FAM120A: variants seen among roughly 807,000 people sequenced by gnomAD.
FAM120A encodes the protein constitutive coactivator of PPAR-gamma-like protein 1.
Under a neutral mutation model 109.7 loss-of-function variants are expected in FAM120A, and 15 were observed. The ratio of observed to expected loss-of-function variants is 0.14; its 90% CI spans 0.09 to 0.21. The LOEUF is 0.21. FAM120A is among the 10% of genes least tolerant of loss of function. The pLI, the probability that FAM120A is intolerant of heterozygous loss-of-function variation, is 1.00. For missense variants in FAM120A, 899 were observed against 1,439.3 expected, an observed-to-expected ratio of 0.62 and a Z score of 6.07; for synonymous variants, 493 against 572.8, an observed-to-expected ratio of 0.86 and a Z score of 1.99.
At chr9:93,482,091 G>A (rs1474561331) in intron 3 of FAM120A, among the ~76,000 whole-genome samples, 2 of 151,488 alleles carry the variant, frequency 1.3e-5, no homozygotes, top group African/African-American at 4.9e-5. Flanking sequence ...ACTTATTTTG[G>A]TAATCTTTTA....
At chr9:93,463,112 C>G (rs1857867254) in intron 1 of FAM120A, among the ~76,000 whole-genome samples, 1 of 152,182 alleles carries the variant, frequency 6.6e-6, no homozygotes, top group Non-Finnish European at 1.5e-5. Flanking sequence ...AGAGGCCACG[C>G]TGTTTTACAT....
chr9:93,532,535 C>CAAT lies in FAM120A; in HGVS notation c.1909+210_1909+212dup, dbSNP rs1466147792. 6 of 580,586 alleles carry CAAT rather than the reference C, an allele frequency of 1.0e-5. No individual in the cohort carries two copies. The African/African-American group carries it at 1.1e-4, about 11-fold the overall frequency. The allele number at this position is 580,586 out of a possible 1,614,324, so 36.0% of individuals were successfully genotyped here. On this transcript the variant is annotated intron_variant, in intron 10 of 17. Coordinates refer to ENST00000277165, the MANE Select transcript of FAM120A (RefSeq NM_014612.5). This position sits in a 1 kb window ranked among gnomAD's most constrained non-coding sequence, Gnocchi z 4.3. ...CAGACTTTCTTCCTCAGTAACATTC[C>CAAT]AATAATGATGTTTATTCAGTAAAAT... is the stretch of plus-strand genomic sequence containing the variant.
chr9:93,452,846 C>T lies in FAM120A; in HGVS notation c.474+457C>T, dbSNP rs1263992779. The T allele has an allele frequency of 1.3e-5, 20 of 1,510,814 alleles. No individual in the cohort carries two copies. The highest frequency in any genetic ancestry group is 1.8e-5 in the Non-Finnish European group (20 of 1,138,230). The allele number at this position is 1,510,814 out of a possible 1,614,324, so 93.6% of individuals were successfully genotyped here. On this transcript the variant is annotated intron_variant, in intron 1 of 17. Coordinates refer to ENST00000277165, the MANE Select transcript of FAM120A (RefSeq NM_014612.5). This position sits in a 1 kb window ranked among gnomAD's most constrained non-coding sequence, Gnocchi z 7.0. ...TACAGAGTAATAGAGGGGGTTTCGC[C>T]AGAGCCCTTGGGGGCTGCAAATATC...
At chr9:93,486,733 C>T (rs940123120) in intron 3 of FAM120A, among the ~76,000 whole-genome samples, 7 of 152,000 alleles carry the variant, frequency 4.6e-5, no homozygotes, top group Non-Finnish European at 1.0e-4. Context: ...GGGGTTTCAC[C>T]ATGTTGGCCA....
chr9:93,518,804 CT>C (rs1860719235), intron 7 of FAM120A, among the ~76,000 whole-genome samples: 1 of 152,230 alleles, frequency 6.6e-6, no homozygotes, highest in African/African-American at 2.4e-5. Context: ...TGGATGTGTT[CT>C]ACGTGCCACG....
rs56698785 is a variant in FAM120A at position 93,467,258 on chromosome 9, C to CCCCCCG, written c.475-3883_475-3882insCCCCCG. 6.5e-4 allele frequency among the ~76,000 whole-genome samples: 32 copies of CCCCCCG among 49,144 alleles called. 1 individual carries two copies. The highest frequency in any genetic ancestry group is 2.8e-3 in the East Asian group (3 of 1,060). 32.2% of individuals were successfully genotyped at this position (49,144 alleles called of 152,430 possible). A position where few individuals can be genotyped will look rare whatever the true frequency, so the allele number is the denominator to read the frequency against. On this transcript the variant is annotated intron_variant, in intron 1 of 17. Transcript: ENST00000277165. ...CAGATCTGCTGTCACCCCCCCCCCC[C>CCCCCCG]TTTTCCCCCATTGAATAACTGTGGA...
At chr9:93,556,314 T>C (rs942274542) in intron 12 of FAM120A, 68 bp from the exon 13 acceptor site, 3 of 1,355,830 alleles carry the variant, frequency 2.2e-6, no homozygotes, top group Non-Finnish European at 3.1e-6. Flanking sequence ...AGAGTTTTAC[T>C]AAGACTTTGA....
chr9:93,559,054 A>G (rs544288670), intron 15 of FAM120A, among the ~76,000 whole-genome samples: 1 of 152,342 alleles, frequency 6.6e-6, no homozygotes, highest in Non-Finnish European at 1.5e-5. Context: ...CCAAGCAGCC[A>G]TCTTTTGGTA....
In FAM120A at chr9:93,452,487, G is replaced by A; in HGVS notation, c.474+98G>A. ...AATGTCGCCCGGCCGTGGCGGCGCT[G>A]GGGGCAGCGAGTTCCCCCAGCCCTT... On this transcript the variant is annotated intron_variant, in intron 1 of 17. Coordinates refer to ENST00000277165, the MANE Select transcript of FAM120A (RefSeq NM_014612.5). This position sits in a 1 kb window ranked among gnomAD's most constrained non-coding sequence, Gnocchi z 7.0. 6.5e-6 allele frequency: 10 copies of A among 1,544,206 alleles called. No homozygotes were observed. The highest frequency in any genetic ancestry group is 7.0e-6 in the Non-Finnish European group (8 of 1,149,470).
intron 7 of FAM120A, among the ~76,000 whole-genome samples, chr9:93,524,890 C>T (rs867481437): frequency 6.6e-6 from 1 of 152,138 alleles, no homozygotes; most frequent in African/African-American, 2.4e-5. Flanking sequence ...CGTCTCAGCG[C>T]AGTGTAAGTC....
At chr9:93,489,569 T>C (rs1181772684) in intron 3 of FAM120A, among the ~76,000 whole-genome samples, 1 of 152,214 alleles carries the variant, frequency 6.6e-6, no homozygotes, top group African/African-American at 2.4e-5. Flanking sequence ...CTTTTCTTTG[T>C]TCAGTTTAAA....
Position 93,497,468 on chromosome 9 carries a change from C to T in FAM120A, c.805-3C>T. ...CTGTTGACACTTACGTTTGTTTTCT[C>T]AGGTCCGGGCCCACCAGCTGGTCTT... is the stretch of plus-strand genomic sequence containing the variant. On this transcript the variant is annotated splice_polypyrimidine_tract_variant and splice_region_variant and intron_variant, in intron 3 of 17. Transcript: ENST00000277165. The T allele has an allele frequency of 1.9e-6, 3 of 1,612,448 alleles. No individual in the cohort carries two copies. The highest frequency in any genetic ancestry group is 2.5e-6 in the Non-Finnish European group (3 of 1,179,504).
rs368480175 is a variant in FAM120A at position 93,541,277 on chromosome 9, G to GCC, written c.1910-1944_1910-1943dup. On this transcript the variant is annotated intron_variant, in intron 10 of 17. Coordinates refer to ENST00000277165, the MANE Select transcript of FAM120A (RefSeq NM_014612.5). ...GCCTGTTTTCTCTTGGGGTGGAGCAGCCTTGGTGTTGGATCACAGGAGGGA... is the reference window on the plus strand; with the variant it reads ...GCCTGTTTTCTCTTGGGGTGGAGCAGCCCCTTGGTGTTGGATCACAGGAGGGA... Among the ~76,000 whole-genome samples the GCC allele has an allele frequency of 2.6e-3, 392 of 152,270 alleles. 1 individual carries two copies. The highest frequency in any genetic ancestry group is 8.6e-3 in the African/African-American group (359 of 41,550).
At chr9:93,507,379 A>T (rs1016128102) in intron 5 of FAM120A, among the ~76,000 whole-genome samples, 20 of 152,298 alleles carry the variant, frequency 1.3e-4, no homozygotes, top group Admixed American at 1.1e-3. Context: ...AATGAGATAA[A>T]GATGGTTGGA....
intron 3 of FAM120A, among the ~76,000 whole-genome samples, chr9:93,493,643 G>A (rs143838326): frequency 2.6e-5 from 4 of 152,300 alleles, no homozygotes; most frequent in East Asian, 3.9e-4. Context: ...GTCTCTGAGC[G>A]TCCGGGACCC....
Position 93,532,109 on chromosome 9 carries a change from C to T in FAM120A, c.1735-46C>T, listed in dbSNP as rs747130640. ...TATTTCTGTGAGTGTATTGTAAATT[C>T]AACATGAAAAATGTGCAATGTTATT... is the stretch of plus-strand genomic sequence containing the variant. On this transcript the variant is annotated intron_variant, in intron 9 of 17. Transcript: ENST00000277165. The surrounding 1 kb of genome is among the most constrained non-coding windows in gnomAD (Gnocchi z 4.3). 6.4e-7 allele frequency: 1 copy of T among 1,560,972 alleles called. No homozygotes were observed. Among genetic ancestry groups the T allele is most frequent in the Non-Finnish European group, 8.8e-7 (1 of 1,136,214 alleles).
At position 93,470,043 on chromosome 9, in the gene FAM120A, A is replaced by G. The variant is rs200478388; in HGVS notation, c.475-1098A>G. ...ATACTTGAACTTAATTTTGAATTTA[A>G]TTTAATATAAACTTTCTCTCAATGT... On this transcript the variant is annotated intron_variant, in intron 1 of 17. Transcript: ENST00000277165. Among the ~76,000 whole-genome samples the G allele has an allele frequency of 1.1e-4, 17 of 152,308 alleles. No homozygotes were observed. The East Asian group carries it at 3.3e-3, about 29-fold the overall frequency.
intron 7 of FAM120A, among the ~76,000 whole-genome samples, chr9:93,526,736 A>G (rs1861098928): frequency 1.3e-5 from 2 of 152,332 alleles, no homozygotes; most frequent in South Asian, 2.1e-4. Context: ...CCTTACATTT[A>G]TTTATAACTT....
intron 10 of FAM120A, among the ~76,000 whole-genome samples, chr9:93,541,746 AC>A (rs1265882375): frequency 6.6e-6 from 1 of 152,210 alleles, no homozygotes; most frequent in Non-Finnish European, 1.5e-5. Flanking sequence ...GGCAGGCTTC[AC>A]GTAAGGGGAC....
Sources: gnomAD v4.1 joint callset for allele counts (sites outside exome capture counted in the v4.1 genomes callset) on GRCh38, gnomAD v4.1.1 for gene constraint, Gnocchi (gnomAD v3.1) non-coding constraint, MANE v1.5 for transcripts, NCBI Gene and HGNC (gene_info 2026-07-23, HGNC 2026-07-21) for gene names.